The following AKAP7 variants were observed in gnomAD, a reference collection of about 807,000 sequenced individuals.
The protein encoded by AKAP7 is A-kinase anchoring protein 7.
Under a neutral mutation model 39.5 loss-of-function variants are expected in AKAP7, and 39 were observed. The observed-to-expected ratio is 0.99, with a 90% confidence interval of 0.76 to 1.29. The LOEUF (loss-of-function observed/expected upper bound fraction) is 1.29, where lower values mean the gene tolerates loss of function less well. AKAP7 is among the 50% of genes most tolerant of loss of function. AKAP7 has a pLI of 0.00. For synonymous variants in AKAP7, 140 were observed against 139.1 expected (o/e 1.01, Z -0.05); for missense variants, 414 against 407.7 (o/e 1.02, Z -0.13).
intron 7 of AKAP7, among the ~76,000 whole-genome samples, chr6:131,232,645 T>G (rs1255598820): frequency 1.3e-5 from 2 of 151,952 alleles, no homozygotes; most frequent in African/African-American, 2.4e-5. Context: ...CTGTCTCTAC[T>G]AAAAATACGA....
At chr6:131,138,025 C>T (rs762976961) in intron 1 of AKAP7, among the ~76,000 whole-genome samples, 3 of 152,078 alleles carry the variant, frequency 2.0e-5, no homozygotes, top group African/African-American at 7.2e-5. Context: ...TTGTCATTGT[C>T]GCGAGCATGC....
chr6:131,146,335 C>T (rs140195955), intron 2 of AKAP7, among the ~76,000 whole-genome samples: 420 of 152,248 alleles, frequency 2.8e-3, no homozygotes, highest in Non-Finnish European at 5.0e-3. Context: ...TGGCCAGATG[C>T]GGTGGCTCAT....
At chr6:131,236,273 T>G (rs1401707531) in intron 7 of AKAP7, among the ~76,000 whole-genome samples, 2 of 152,198 alleles carry the variant, frequency 1.3e-5, no homozygotes, top group Non-Finnish European at 2.9e-5. Context: ...TATCTCTGTT[T>G]TGGTACCAGT....
chr6:131,267,677 T>C (rs1585211590), intron 7 of AKAP7, among the ~76,000 whole-genome samples: 1 of 152,024 alleles, frequency 6.6e-6, no homozygotes, highest in African/African-American at 2.4e-5. Flanking sequence ...CTCTCTCTCT[T>C]GTGGCATTTC....
At chr6:131,273,849 TCATTTAG>T (rs1814509463) in intron 7 of AKAP7, among the ~76,000 whole-genome samples, 1 of 152,138 alleles carries the variant, frequency 6.6e-6, no homozygotes, top group Admixed American at 6.6e-5. Flanking sequence ...GACGATGAAT[TCATTTAG>T]CATTTGTATG....
chr6:131,197,402 T>C (rs1235704897), intron 5 of AKAP7, among the ~76,000 whole-genome samples: 3 of 152,170 alleles, frequency 2.0e-5, no homozygotes, highest in Non-Finnish European at 4.4e-5. Flanking sequence ...TTATTTTCCA[T>C]TGTAGTTGTG....
At position 131,188,906 on chromosome 6, in the gene AKAP7, A is replaced by G. The variant is rs187305402; in HGVS notation, c.590-10555A>G. ...TGTGACATCCACATACTGAAATAAT[A>G]TATAGAGATACTTGACTTATGGTGC... On this transcript the variant is annotated intron_variant, in intron 5 of 7. Transcript: ENST00000431975. 2.2e-3 allele frequency among the ~76,000 whole-genome samples: 340 copies of G among 152,266 alleles called. 2 individuals are homozygous for G. Among genetic ancestry groups the G allele is most frequent in the African/African-American group, 7.9e-3 (330 of 41,546 alleles).
intron 7 of AKAP7, among the ~76,000 whole-genome samples, chr6:131,260,681 T>C (rs1055172933): frequency 7.9e-5 from 12 of 152,138 alleles, no homozygotes; most frequent in Admixed American, 4.6e-4. Flanking sequence ...TTGTTTAAGT[T>C]CTTTGTAGAT....
intron 2 of AKAP7, among the ~76,000 whole-genome samples, chr6:131,146,683 C>G (rs1801513948): frequency 6.6e-6 from 1 of 152,144 alleles, no homozygotes; most frequent in Non-Finnish European, 1.5e-5. Flanking sequence ...GTTTGATATG[C>G]TTTTTTCATG....
Position 131,281,433 on chromosome 6 carries a change from T to A in AKAP7, c.851-97T>A. Reference sequence around the variant, plus strand: ...TTGAATTTATAGATCCAATTTACACTTGCTCTTTTTAACCAATGGAACTAG... The same window carrying A: ...TTGAATTTATAGATCCAATTTACACATGCTCTTTTTAACCAATGGAACTAG... On this transcript the variant is annotated intron_variant, in intron 7 of 7. Transcript: ENST00000431975. The surrounding 1 kb of genome is among the most constrained non-coding windows in gnomAD (Gnocchi z 4.0). 1.0e-6 allele frequency: 1 copy of A among 976,694 alleles called. No homozygotes were observed. The highest frequency in any genetic ancestry group is 1.5e-6 in the Non-Finnish European group (1 of 679,732). 60.5% of individuals were successfully genotyped at this position (976,694 alleles called of 1,614,324 possible).
intron 5 of AKAP7, among the ~76,000 whole-genome samples, chr6:131,170,428 A>C (rs576842245): frequency 6.6e-6 from 1 of 152,270 alleles, no homozygotes; most frequent in African/African-American, 2.4e-5. Context: ...CTTTGGTAGT[A>C]ATCTAACCGT....
the AKAP7 span, among the ~76,000 whole-genome samples, chr6:131,130,142 G>T: frequency 0.86 from 131,588 of 152,188 alleles, 57,034 homozygotes; most frequent in East Asian, 0.99. Flanking sequence ...AATTATTTCA[G>T]CAATCATTGT....
chr6:131,223,585 A>G (rs745627172), intron 7 of AKAP7, among the ~76,000 whole-genome samples: 1 of 152,128 alleles, frequency 6.6e-6, no homozygotes, highest in African/African-American at 2.4e-5. Context: ...CCAAGTTTTG[A>G]TGAGGACCAA....
chr6:131,162,868 T>G (rs1253822737), intron 3 of AKAP7, among the ~76,000 whole-genome samples: 5 of 152,194 alleles, frequency 3.3e-5, no homozygotes, highest in Non-Finnish European at 4.4e-5. Flanking sequence ...CTAAAGGCTT[T>G]CACAGCTTTC....
At chr6:131,186,364 T>A (rs2128264404) in intron 5 of AKAP7, among the ~76,000 whole-genome samples, 1 of 152,300 alleles carries the variant, frequency 6.6e-6, no homozygotes, top group South Asian at 2.1e-4. Flanking sequence ...TTATGCTTCC[T>A]GTACAGCCTG....
chr6:131,246,094 A>AATATATATATATATATATATATAT (rs57449798), intron 7 of AKAP7, among the ~76,000 whole-genome samples: 2 of 143,942 alleles, frequency 1.4e-5, no homozygotes, highest in African/African-American at 5.1e-5. Context: ...CAGAAGTCCA[A>AATATATATATATATATATATATAT]ATATATATAT....
At chr6:131,261,796 G>A (rs67399092) in intron 7 of AKAP7, among the ~76,000 whole-genome samples, 40,208 of 152,084 alleles carry the variant, frequency 0.26, 6,104 homozygotes, top group Middle Eastern at 0.38. Flanking sequence ...GGGGGGAAAT[G>A]AAGAAGTAGT....
chr6:131,135,695 A>G lies in AKAP7; in HGVS notation c.-69A>G. On this transcript the variant is annotated 5_prime_UTR_variant, in exon 1 of 8. Transcript: ENST00000431975. ...TGGCCTCCGCCTCGGCCTCGCCTCC[A>G]GCCCCGGGACGCGGCCCGCCACCGC... is the stretch of plus-strand genomic sequence containing the variant. The G allele has an allele frequency of 2.6e-6, 3 of 1,154,028 alleles. No individual in the cohort carries two copies. Among genetic ancestry groups the G allele is most frequent in the South Asian group, 8.3e-5 (2 of 24,166 alleles). 71.5% of individuals were successfully genotyped at this position (1,154,028 alleles called of 1,614,324 possible).
intron 1 of AKAP7, among the ~76,000 whole-genome samples, chr6:131,142,987 T>G (rs780406014): frequency 1.3e-5 from 2 of 152,202 alleles, no homozygotes; most frequent in Non-Finnish European, 2.9e-5. Flanking sequence ...GCCCCTTTCT[T>G]TTGGATTTCT....
Sources: gnomAD v4.1 joint callset for allele counts (sites outside exome capture counted in the v4.1 genomes callset) on GRCh38, gnomAD v4.1.1 for gene constraint, Gnocchi (gnomAD v3.1) non-coding constraint, MANE v1.5 for transcripts, NCBI Gene and HGNC (gene_info 2026-07-23, HGNC 2026-07-21) for gene names.